ELMO1: variants seen among roughly 807,000 people sequenced by gnomAD.
ELMO1 encodes engulfment and cell motility 1, also known as engulfment and cell motility protein 1.
In ELMO1, 26 loss-of-function variants were observed where a neutral mutation model predicts 98.9. The ratio of observed to expected loss-of-function variants is 0.26; its 90% confidence interval spans 0.19 to 0.36. The LOEUF (loss-of-function observed/expected upper bound fraction) is 0.36. Among genes scored for constraint, ELMO1 ranks in the 10% least tolerant of loss-of-function variants. The probability of loss-of-function intolerance (pLI) is 1.00; values close to 1 mark genes in which losing one functional copy is unlikely to be tolerated. For missense variants in ELMO1, 627 were observed against 935.2 expected (o/e 0.67, Z 4.30); for synonymous variants, 346 against 346.0 (o/e 1.00, Z 0.00).
At chr7:37,360,725 T>G (rs1282315434) in intron 1 of ELMO1, among the ~76,000 whole-genome samples, 1 of 152,190 alleles carries the variant, frequency 6.6e-6, no homozygotes, top group Non-Finnish European at 1.5e-5. Context: ...AACTGCAAAG[T>G]GTAAAGAGAA....
intron 13 of ELMO1, among the ~76,000 whole-genome samples, chr7:37,140,342 C>T (rs971068519): frequency 1.3e-5 from 2 of 151,556 alleles, no homozygotes; most frequent in South Asian, 2.1e-4. Context: ...GCCGAGATGG[C>T]GCCAGTGCAC....
At chr7:36,935,256 A>G (rs1005471299) in intron 16 of ELMO1, among the ~76,000 whole-genome samples, 2 of 152,100 alleles carry the variant, frequency 1.3e-5, no homozygotes, top group Non-Finnish European at 1.5e-5. Context: ...CTGCTGTGTG[A>G]GATGTGCCTT....
chr7:37,090,954 A>C (rs1428241870), intron 15 of ELMO1, among the ~76,000 whole-genome samples: 1 of 152,222 alleles, frequency 6.6e-6, no homozygotes, highest in Non-Finnish European at 1.5e-5. Context: ...TATTAAGTGA[A>C]TAAATGAATG....
chr7:37,283,482 C>T (rs1238479490), intron 4 of ELMO1, among the ~76,000 whole-genome samples: 1 of 152,170 alleles, frequency 6.6e-6, no homozygotes, highest in African/African-American at 2.4e-5. Context: ...TCTAATACCC[C>T]AGGATAAGAA....
intron 4 of ELMO1, among the ~76,000 whole-genome samples, chr7:37,300,924 T>C (rs1798307535): frequency 2.0e-5 from 3 of 152,144 alleles, no homozygotes; most frequent in African/African-American, 7.2e-5. Flanking sequence ...GGTAAGCTAT[T>C]GATTATTGCC....
chr7:37,399,236 C>T (rs73118718), intron 1 of ELMO1, among the ~76,000 whole-genome samples: 84 of 152,308 alleles, frequency 5.5e-4, no homozygotes, highest in Non-Finnish European at 9.0e-4. Flanking sequence ...TCAACAAACT[C>T]GTGCAGAAGG....
chr7:37,410,721 C>T (rs1235320277), intron 1 of ELMO1, among the ~76,000 whole-genome samples: 1 of 152,180 alleles, frequency 6.6e-6, no homozygotes, highest in Non-Finnish European at 1.5e-5. Flanking sequence ...CATCATAGAG[C>T]CTGCTGGCCT....
chr7:37,133,832 T>C (rs185498336), intron 13 of ELMO1, among the ~76,000 whole-genome samples: 15 of 152,316 alleles, frequency 9.8e-5, no homozygotes, highest in African/African-American at 2.6e-4. Flanking sequence ...AGAACCTTCC[T>C]GTCTGGTCTT....
chr7:37,268,334 C>T (rs1796367569), intron 5 of ELMO1, among the ~76,000 whole-genome samples: 1 of 152,186 alleles, frequency 6.6e-6, no homozygotes. Context: ...CAGGCTCTCG[C>T]TCTGTCGCCC....
Position 37,032,249 on chromosome 7 carries a change from T to C in ELMO1, c.1301-18814A>G, listed in dbSNP as rs139182164. ...TGTTTTGCAGGCTTTATTGGCACCT[T>C]TGAAAAACATCTAAGGGAGCAAGGG... is the stretch of plus-strand genomic sequence containing the variant. On this transcript the variant is annotated intron_variant, in intron 15 of 21. Transcript: ENST00000310758. 9.0e-3 allele frequency among the ~76,000 whole-genome samples: 1,367 copies of C among 152,232 alleles called. 6 individuals are homozygous for C. Among genetic ancestry groups the C allele is most frequent in the Middle Eastern group, 0.014 (4 of 294 alleles).
At chr7:37,123,493 A>G (rs1304045153) in intron 14 of ELMO1, among the ~76,000 whole-genome samples, 3 of 152,244 alleles carry the variant, frequency 2.0e-5, no homozygotes, top group Admixed American at 6.5e-5. Context: ...CTACCATCGG[A>G]GAATACTATA....
intron 16 of ELMO1, among the ~76,000 whole-genome samples, chr7:36,972,264 G>T (rs530928872): frequency 2.6e-5 from 4 of 152,162 alleles, no homozygotes; most frequent in Non-Finnish European, 5.9e-5. Flanking sequence ...TTGCTCTTAC[G>T]GGAAGGAGAT....
At chr7:37,375,589 C>T (rs754986813) in intron 1 of ELMO1, 57 of 1,119,254 alleles carry the variant, frequency 5.1e-5, no homozygotes, top group Non-Finnish European at 3.0e-5. Context: ...GTCATGGTGG[C>T]CAAGAAGGAT....
chr7:37,412,363 C>T (rs535251562), intron 1 of ELMO1, among the ~76,000 whole-genome samples: 21 of 152,188 alleles, frequency 1.4e-4, no homozygotes, highest in Admixed American at 6.5e-4. Flanking sequence ...AGCCTGAGCC[C>T]CTGACTTCTA....
chr7:37,259,210 G>T lies in ELMO1; in HGVS notation c.384C>A (p.Leu128=), dbSNP rs1342035970. The change falls in exon 6 of 22, where the codon CTC becomes CTA. Residue 128 remains leucine, a synonymous_variant. Transcript: ENST00000310758. ...QEFINLDGIS[L]LTQMVESGTE... is the part of the protein sequence containing the mutation. ...TGCCGCTCTCCACCATCTGCGTGAG[G>T]AGAGAGATACCGTCCAGGTTTATAA... The T allele has an allele frequency of 6.2e-7, 1 of 1,614,042 alleles. No individual in the cohort carries two copies. Among genetic ancestry groups the T allele is most frequent in the East Asian group, 2.2e-5 (1 of 44,878 alleles).
chr7:37,101,945 G>A (rs1277540631), intron 14 of ELMO1, among the ~76,000 whole-genome samples: 1 of 152,156 alleles, frequency 6.6e-6, no homozygotes, highest in Non-Finnish European at 1.5e-5. Flanking sequence ...ATTGTCCTCA[G>A]AATCCTTGTC....
intron 16 of ELMO1, among the ~76,000 whole-genome samples, chr7:36,910,301 T>C (rs1340716257): frequency 6.6e-6 from 1 of 152,216 alleles, no homozygotes; most frequent in Admixed American, 6.5e-5. Context: ...CTCCAGGCTG[T>C]CTGCTTTGCA....
intron 1 of ELMO1, among the ~76,000 whole-genome samples, chr7:37,360,581 AGTCCT>A (rs1801665181): frequency 6.6e-6 from 1 of 152,204 alleles, no homozygotes; most frequent in Non-Finnish European, 1.5e-5. Flanking sequence ...GCCTGTGGGT[AGTCCT>A]CGGTATACCC....
At chr7:37,000,057 A>G (rs1792536591) in intron 16 of ELMO1, among the ~76,000 whole-genome samples, 1 of 152,232 alleles carries the variant, frequency 6.6e-6, no homozygotes, top group African/African-American at 2.4e-5. Context: ...GCTTGGAAGC[A>G]AATGTCCAGG....
Sources: allele counts gnomAD v4.1 joint callset (sites outside exome capture counted in the v4.1 genomes callset), GRCh38; gene constraint gnomAD v4.1.1; transcripts MANE v1.5; gene names NCBI Gene and HGNC (gene_info 2026-07-23, HGNC 2026-07-21).